The following CALN1 variants were observed in gnomAD, a reference collection of about 807,000 sequenced individuals.
CALN1 encodes the protein calcium-binding protein 8.
Under a neutral mutation model 30.6 loss-of-function variants are expected in CALN1, and 17 were observed. The observed-to-expected ratio is 0.56, with a 90% CI of 0.38 to 0.83. CALN1 has a LOEUF of 0.83. CALN1 is among the 40% of genes least tolerant of loss of function. CALN1 has a pLI of 0.00. For synonymous variants in CALN1, 156 were observed against 131.4 expected, an observed-to-expected ratio of 1.19 and a Z score of -1.28; for missense variants, 291 against 354.9, an observed-to-expected ratio of 0.82 and a Z score of 1.45.
chr7:72,401,477 A>G (rs920205690), intron 2 of CALN1, among the ~76,000 whole-genome samples: 11 of 152,218 alleles, frequency 7.2e-5, no homozygotes, highest in Non-Finnish European at 1.3e-4. Context: ...AAACATGTTC[A>G]GTGCGTGTGT....
At chr7:72,275,901 G>A (rs952341039) in intron 3 of CALN1, among the ~76,000 whole-genome samples, 3 of 152,182 alleles carry the variant, frequency 2.0e-5, no homozygotes, top group African/African-American at 7.2e-5. Context: ...CCAGCCAGCA[G>A]CCCTCTTGAA....
At chr7:72,367,399 G>T (rs1164822505) in intron 2 of CALN1, among the ~76,000 whole-genome samples, 1 of 152,104 alleles carries the variant, frequency 6.6e-6, no homozygotes, top group Non-Finnish European at 1.5e-5. Context: ...TGAGGTGGGA[G>T]GATTGCTTCA....
At chr7:71,794,104 G>T (rs1044447827) in intron 6 of CALN1, among the ~76,000 whole-genome samples, 2 of 152,128 alleles carry the variant, frequency 1.3e-5, no homozygotes, top group Non-Finnish European at 2.9e-5. Flanking sequence ...TGTGATGGGT[G>T]TGTTGTCTTC....
chr7:72,127,681 G>A (rs555030035), intron 3 of CALN1, among the ~76,000 whole-genome samples: 73 of 152,294 alleles, frequency 4.8e-4, no homozygotes, highest in African/African-American at 1.7e-3. Flanking sequence ...TCCAGCAACT[G>A]GAAGAAAAAT....
At chr7:72,491,147 G>C in the CALN1 span, among the ~76,000 whole-genome samples, 2 of 152,010 alleles carry the variant, frequency 1.3e-5, no homozygotes, top group African/African-American at 4.8e-5. Context: ...GGGAGGCTGA[G>C]GCAGGAGAAT....
chr7:72,349,683 A>G (rs1164628497), intron 2 of CALN1, among the ~76,000 whole-genome samples: 1 of 152,230 alleles, frequency 6.6e-6, no homozygotes, highest in Non-Finnish European at 1.5e-5. Flanking sequence ...CATGTCTCTA[A>G]CAATTAGTGA....
intron 4 of CALN1, among the ~76,000 whole-genome samples, chr7:72,087,852 G>GA (rs1554436360): frequency 3.3e-5 from 5 of 152,128 alleles, no homozygotes; most frequent in Non-Finnish European, 1.5e-5. Flanking sequence ...TTTCCAGAAA[G>GA]AAAACTCGGT....
intron 3 of CALN1, among the ~76,000 whole-genome samples, chr7:72,269,606 G>A (rs1307416643): frequency 6.6e-6 from 1 of 152,198 alleles, no homozygotes; most frequent in Non-Finnish European, 1.5e-5. Flanking sequence ...CACCTCTTAA[G>A]AGATGGTCAG....
At chr7:72,181,650 T>C (rs1035316157) in intron 3 of CALN1, among the ~76,000 whole-genome samples, 13 of 152,134 alleles carry the variant, frequency 8.5e-5, no homozygotes, top group African/African-American at 2.7e-4. Flanking sequence ...CTAATTTTTG[T>C]ATTTTTAGTA....
chr7:72,442,223 C>T (rs1403894880), intron 1 of CALN1, among the ~76,000 whole-genome samples: 4 of 152,212 alleles, frequency 2.6e-5, no homozygotes, highest in African/African-American at 9.6e-5. Flanking sequence ...CCTTCCTGTT[C>T]CCACCTTGCC....
At chr7:71,953,932 T>C (rs887825104) in intron 5 of CALN1, among the ~76,000 whole-genome samples, 2 of 151,918 alleles carry the variant, frequency 1.3e-5, no homozygotes, top group Admixed American at 1.3e-4. Flanking sequence ...TGGTTGGCAG[T>C]GTGGACAAAA....
At chr7:72,445,272 C>T (rs756792381) in intron 1 of CALN1, among the ~76,000 whole-genome samples, 5 of 152,150 alleles carry the variant, frequency 3.3e-5, no homozygotes, top group Non-Finnish European at 7.4e-5. Flanking sequence ...GGCCACCAGG[C>T]AACAGAGGAA....
At chr7:72,205,561 T>TATATATATATATAC (rs1791791963) in intron 3 of CALN1, among the ~76,000 whole-genome samples, 1 of 77,052 alleles carries the variant, frequency 1.3e-5, no homozygotes, top group African/African-American at 7.4e-5. Flanking sequence ...AATATATATA[T>TATATATATATATAC]ATATATGTAT....
At chr7:72,161,991 A>G (rs911056078) in intron 3 of CALN1, among the ~76,000 whole-genome samples, 1 of 147,318 alleles carries the variant, frequency 6.8e-6, no homozygotes, top group Non-Finnish European at 1.5e-5. Context: ...ACTGAATGAT[A>G]TAATACTTTA....
At chr7:71,859,098 CTATCCCCAAGCTGGAGTG>C (rs1257600921) in intron 5 of CALN1, among the ~76,000 whole-genome samples, 1 of 152,062 alleles carries the variant, frequency 6.6e-6, no homozygotes, top group Non-Finnish European at 1.5e-5. Flanking sequence ...GAGTTTTGCT[CTATCCCCAAGCTGGAGTG>C]CAGCGGCATG....
chr7:72,448,538 C>A (rs1042311237), upstream of CALN1, among the ~76,000 whole-genome samples: 18 of 152,114 alleles, frequency 1.2e-4, no homozygotes, highest in African/African-American at 4.3e-4. Flanking sequence ...TAGCTCATTG[C>A]ACTTGGCATC....
intron 2 of CALN1, among the ~76,000 whole-genome samples, chr7:72,290,061 G>A (rs1207188299): frequency 9.2e-6 from 1 of 109,260 alleles, no homozygotes; most frequent in African/African-American, 3.7e-5. Context: ...CTGGGTAACA[G>A]AGAACGAGAC....
intron 2 of CALN1, among the ~76,000 whole-genome samples, chr7:72,369,495 G>C (rs1804093435): frequency 6.6e-6 from 1 of 151,718 alleles, no homozygotes; most frequent in Non-Finnish European, 1.5e-5. Flanking sequence ...CCGAGTAGCT[G>C]GGATTACAGG....
At chr7:72,200,349 A>G (rs137959972) in intron 3 of CALN1, among the ~76,000 whole-genome samples, 281 of 152,322 alleles carry the variant, frequency 1.8e-3, no homozygotes, top group African/African-American at 6.3e-3. Flanking sequence ...TGTGAACTAG[A>G]AATGTTAATA....
Sources: gnomAD v4.1 joint callset for allele counts (sites outside exome capture counted in the v4.1 genomes callset) on GRCh38, gnomAD v4.1.1 for gene constraint, MANE v1.5 for transcripts, NCBI Gene and HGNC (gene_info 2026-07-23, HGNC 2026-07-21) for gene names.